Variants in ZNF527 observed in about 807,000 individuals in gnomAD.
The protein encoded by ZNF527 is zinc finger protein 527.
A neutral mutation model predicts 13.5 loss-of-function variants in ZNF527; 5 were observed. The ratio of observed to expected loss-of-function variants is 0.37; its 90% CI spans 0.19 to 0.78. ZNF527 has a LOEUF of 0.78. ZNF527 is among the 30% of genes least tolerant of loss of function. The pLI is 0.48. For synonymous variants in ZNF527, 209 were observed against 243.1 expected (o/e 0.86, Z 1.30); for missense variants, 628 against 726.4 (o/e 0.86, Z 1.56).
At chr19:37,385,411 GACCTTTTCCACA>G (rs111714607) in intron 4 of ZNF527, 112 of 398,636 alleles carry the variant, frequency 2.8e-4, no homozygotes, top group African/African-American at 1.5e-3. Flanking sequence ...TTTTTTTCAT[GACCTTTTCCACA>G]ATGATAGGGA....
Position 37,375,302 on chromosome 19 carries a change from CTTTCTTTCT to C in ZNF527, c.33+1083_33+1091del, listed in dbSNP as rs1249386951. Among the ~76,000 whole-genome samples the C allele has an allele frequency of 3.9e-3, 411 of 104,572 alleles. 8 individuals are homozygous for C. The highest frequency in any genetic ancestry group is 0.015 in the African/African-American group (349 of 23,296). The allele number at this position is 104,572 out of a possible 152,430, so 68.6% of individuals were successfully genotyped here. Reference sequence around the variant, plus strand: ...TCTTTCTTTCTTTCTTTCTTTCTTTCTTTCTTTCTTTTCTTTCTTTCTTTCTTTCTTTCT... The same window carrying C: ...TCTTTCTTTCTTTCTTTCTTTCTTTCTTTCTTTCTTTCTTTCTTTCTTTCT... On this transcript the variant is annotated intron_variant, in intron 2 of 4. Coordinates refer to ENST00000436120, the MANE Select transcript of ZNF527 (RefSeq NM_032453.2).
At chr19:37,375,302 CT>C (rs368774863) in intron 2 of ZNF527, among the ~76,000 whole-genome samples, 1 of 104,534 alleles carries the variant, frequency 9.6e-6, no homozygotes, top group African/African-American at 4.3e-5. Context: ...TTCTTTCTTT[CT>C]TTCTTTCTTT....
intron 1 of ZNF527, 54 bp from the exon 2 acceptor site, chr19:37,374,104 C>A: frequency 2.3e-6 from 3 of 1,294,218 alleles, no homozygotes; most frequent in Non-Finnish European, 2.2e-6. Context: ...GGGTCTTGGA[C>A]CAAAAACACA....
rs1568694026 is a variant in ZNF527 at position 37,380,381 on chromosome 19, CAG to C, written c.256+11_256+12del. The C allele has an allele frequency of 1.9e-6, 3 of 1,607,820 alleles. No homozygotes were observed. Among genetic ancestry groups the C allele is most frequent in the Non-Finnish European group, 2.6e-6 (3 of 1,174,474 alleles). On this transcript the variant is annotated intron_variant, in intron 4 of 4. Coordinates refer to ENST00000436120, the MANE Select transcript of ZNF527 (RefSeq NM_032453.2). The stretch of plus-strand genomic sequence containing the variant: ...ACAGGGTCACTGTGCAGGTGAGTGA[CAG>C]ATCACCAGGCAGGGAGGACTATTGT...
Position 37,389,362 on chromosome 19 carries a change from G to T in ZNF527, c.1313G>T (p.Gly438Val). The change falls in exon 5 of 5, where the codon GGA (glycine) becomes GTA (valine). Residue 438 changes from glycine (G) to valine (V), a missense_variant. Physicochemically the swap from Gly to Val is moderately radical, Grantham distance 109. Around this residue, in one of 3 missense-constraint regions of ZNF527, gnomAD observed 592 missense variants for 678.0 expected, o/e 0.87. Transcript: ENST00000436120. ...ACTCTACATCAAAGAATTCACACAG[G>T]AGAGAAACCCTTCAAATGTAGTGAA... The part of the protein sequence containing the change: ...ALTLHQRIHT[G>V]EKPFKCSECG... The T allele has an allele frequency of 6.2e-7, 1 of 1,614,208 alleles. No homozygotes were observed. The highest frequency in any genetic ancestry group is 8.5e-7 in the Non-Finnish European group (1 of 1,180,048).
intron 2 of ZNF527, 118 bp from the exon 3 acceptor site, chr19:37,379,002 C>A: frequency 9.0e-7 from 1 of 1,106,154 alleles, no homozygotes; most frequent in Non-Finnish European, 1.3e-6. Context: ...TGTAATTGTT[C>A]TCCAATAATT....
intron 1 of ZNF527, among the ~76,000 whole-genome samples, chr19:37,371,554 G>T (rs1410787257): frequency 1.3e-5 from 2 of 152,176 alleles, no homozygotes; most frequent in Non-Finnish European, 2.9e-5. Flanking sequence ...GACATTGTGT[G>T]TTTGTGTAAA....
rs531376098 is a variant in ZNF527 at position 37,388,563 on chromosome 19, A to G, written c.514A>G (p.Ile172Val). The G allele has an allele frequency of 8.7e-5, 140 of 1,614,178 alleles. 1 individual carries two copies. In the East Asian group the frequency reaches 3.1e-3, roughly 35 times the overall value. The change falls in exon 5 of 5, where the codon ATA becomes GTA. Residue 172 changes from isoleucine (I) to valine (V), a missense_variant. Transcript: ENST00000436120. The stretch of plus-strand genomic sequence containing the variant: ...TGAATTTAGTAATTCTGGGAGAAGC[A>G]TACCCCTGAAATCAGTATTTTTAAC... ...DNEFSNSGRSIPLKSVFLTQQ... is the reference protein window; with the variant it reads ...DNEFSNSGRSVPLKSVFLTQQ...
At chr19:37,377,171 C>T (rs2040615131) in intron 2 of ZNF527, among the ~76,000 whole-genome samples, 1 of 152,116 alleles carries the variant, frequency 6.6e-6, no homozygotes, top group Non-Finnish European at 1.5e-5. Flanking sequence ...GATATTGCAT[C>T]AGTTTTTTTG....
chr19:37,379,030 T>TA, intron 2 of ZNF527, 90 bp from the exon 3 acceptor site: 1 of 1,469,908 alleles, frequency 6.8e-7, no homozygotes. Context: ...TCGCATCACT[T>TA]AGAGCTTTGA....
In ZNF527 at chr19:37,388,975, A is replaced by T; in HGVS notation, c.926A>T (p.Lys309Ile). Residue 309 changes from lysine (K) to isoleucine (I), a missense_variant, in exon 5 of 5, where the codon AAA (lysine) becomes ATA (isoleucine). Lys to Ile is a moderately radical substitution (Grantham distance 102). Transcript: ENST00000436120. ...CCATATGCATGCAATGACTGTGGAAAAGCCTTTAGCCACGACTTCTTTCTC... is the reference window on the plus strand; with the variant it reads ...CCATATGCATGCAATGACTGTGGAATAGCCTTTAGCCACGACTTCTTTCTC... ...EKPYACNDCG[K>I]AFSHDFFLSE... 2 of 1,614,194 alleles carry T rather than the reference A, an allele frequency of 1.2e-6. No individual in the cohort carries two copies. The highest frequency in any genetic ancestry group is 1.7e-6 in the Non-Finnish European group (2 of 1,180,010).
intron 4 of ZNF527, among the ~76,000 whole-genome samples, chr19:37,383,278 C>T (rs913028121): frequency 6.6e-6 from 1 of 152,116 alleles, no homozygotes; most frequent in Non-Finnish European, 1.5e-5. Context: ...CTCTGTCACC[C>T]AGGCTGGAGT....
intron 2 of ZNF527, 81 bp from the exon 3 acceptor site, chr19:37,379,039 G>C: frequency 6.4e-7 from 1 of 1,555,980 alleles, no homozygotes; most frequent in Admixed American, 1.8e-5. Flanking sequence ...TTAGAGCTTT[G>C]AACTCTGGCC....
At chr19:37,381,695 C>T (rs2040655289) in intron 4 of ZNF527, among the ~76,000 whole-genome samples, 1 of 151,954 alleles carries the variant, frequency 6.6e-6, no homozygotes, top group Admixed American at 6.6e-5. Context: ...AATTTTTGCC[C>T]ATTTATTTTA....
At chr19:37,375,252 TTCTTTCTTTC>T (rs1176716616) in intron 2 of ZNF527, among the ~76,000 whole-genome samples, 2 of 98,174 alleles carry the variant, frequency 2.0e-5, no homozygotes, top group African/African-American at 9.8e-5. Context: ...TTTTCTTTCT[TTCTTTCTTTC>T]TTTCTTTCTT....
chr19:37,389,640 T>C lies in ZNF527; in HGVS notation c.1591T>C (p.Cys531Arg). Residue 531 changes from cysteine to arginine, a missense_variant, in exon 5 of 5, where the codon TGT (cysteine) becomes CGT (arginine). By Grantham distance (180) the Cys-to-Arg change is radical. Coordinates refer to ENST00000436120, the MANE Select transcript of ZNF527 (RefSeq NM_032453.2). ...AGEKPYECNK[C>R]GKAFSCGSYL... ...AGAGAAACCCTATGAATGTAACAAATGTGGAAAGGCCTTCAGTTGTGGCTC... is the reference window on the plus strand; with the variant it reads ...AGAGAAACCCTATGAATGTAACAAACGTGGAAAGGCCTTCAGTTGTGGCTC... 6.2e-7 allele frequency: 1 copy of C among 1,614,094 alleles called. No homozygotes were observed. Among genetic ancestry groups the C allele is most frequent in the Non-Finnish European group, 8.5e-7 (1 of 1,180,022 alleles).
chr19:37,389,864 T>C lies in ZNF527; in HGVS notation c.1815T>C (p.Asn605=). The change falls in exon 5 of 5, where the codon AAT becomes AAC. Residue 605 remains asparagine (N), a synonymous_variant. Coordinates refer to ENST00000436120, the MANE Select transcript of ZNF527 (RefSeq NM_032453.2). ...SALRRHQRIH[N]RETL is the part of the protein sequence containing the mutation. ...TTAGACGACATCAGAGAATTCATAA[T>C]AGAGAAACGCTCTGATTATAACAAG... is the stretch of plus-strand genomic sequence containing the variant. 2 of 1,596,644 alleles carry C rather than the reference T, an allele frequency of 1.3e-6. No homozygotes were observed. Among genetic ancestry groups the C allele is most frequent in the Non-Finnish European group, 1.7e-6 (2 of 1,174,136 alleles).
intron 2 of ZNF527, 82 bp downstream of exon 2, chr19:37,374,313 G>A: frequency 7.9e-7 from 1 of 1,269,834 alleles, no homozygotes; most frequent in East Asian, 2.3e-5. Flanking sequence ...ATCACAAATA[G>A]CCCAATGAGC....
chr19:37,379,407 T>G (rs990620838), intron 3 of ZNF527, 161 bp downstream of exon 3: 4 of 574,886 alleles, frequency 7.0e-6, no homozygotes, highest in African/African-American at 3.9e-5. Context: ...TTTGCTTAAA[T>G]TTTAATTAAT....
Sources: gnomAD v4.1 joint callset for allele counts (sites outside exome capture counted in the v4.1 genomes callset) on GRCh38, gnomAD v4.1.1 for gene constraint, gnomAD v4.1.1 regional missense constraint, MANE v1.5 for transcripts, NCBI Gene and HGNC (gene_info 2026-07-23, HGNC 2026-07-21) for gene names.